ERG: variants seen among roughly 807,000 people sequenced by gnomAD.
ERG encodes the protein ETS transcription factor ERG, also known as transcriptional regulator ERG.
Under a neutral mutation model 55.3 loss-of-function variants are expected in ERG, and 9 were observed. The ratio of observed to expected loss-of-function variants is 0.16; its 90% CI spans 0.10 to 0.28. The LOEUF is 0.28. Among genes scored for constraint, ERG ranks in the 10% least tolerant of loss-of-function variants. The probability of loss-of-function intolerance (pLI) is 1.00; values close to 1 mark genes in which losing one functional copy is unlikely to be tolerated. For synonymous variants in ERG, 223 were observed against 237.3 expected (o/e 0.94, Z 0.55); for missense variants, 434 against 631.6 (o/e 0.69, Z 3.35).
intron 1 of ERG, among the ~76,000 whole-genome samples, chr21:38,485,204 C>A (rs930505056): frequency 8.6e-5 from 13 of 151,296 alleles, no homozygotes; most frequent in Admixed American, 2.6e-4. Flanking sequence ...TAGACCTACG[C>A]TAATGTATGT....
At chr21:38,534,919 T>C (rs892791903) in intron 2 of ERG, among the ~76,000 whole-genome samples, 3 of 152,190 alleles carry the variant, frequency 2.0e-5, no homozygotes, top group Non-Finnish European at 4.4e-5. Flanking sequence ...TTGTACAATA[T>C]AGATGAATCT....
Position 38,498,217 on chromosome 21 carries a change from T to C in ERG, c.18+146A>G. The C allele has an allele frequency of 1.4e-6, 1 of 707,774 alleles. No homozygotes were observed. The highest frequency in any genetic ancestry group is 1.8e-5 in the South Asian group (1 of 55,694). The allele number at this position is 707,774 out of a possible 1,614,324, so 43.8% of individuals were successfully genotyped here. A position where few individuals can be genotyped will look rare whatever the true frequency, so the allele number is the denominator to read the frequency against. On this transcript the variant is annotated intron_variant, in intron 1 of 9. Coordinates refer to ENST00000288319, the MANE Select transcript of ERG (RefSeq NM_182918.4). This position sits in a 1 kb window ranked among gnomAD's most constrained non-coding sequence, Gnocchi z 4.6. ...TTGGAGTAGGAAAAAGGAAATTTAC[T>C]AGGCAGTGCAAAGGAAATCTTGTTG...
chr21:38,485,156 A>G lies in ERG; in HGVS notation c.18+13207T>C, dbSNP rs117679354. ...CCAGTGGCACAGGGACAAGATGTAG[A>G]GATGAAAAACAGTGATATTGATGAT... is the stretch of plus-strand genomic sequence containing the variant. On this transcript the variant is annotated intron_variant, in intron 1 of 9. Coordinates refer to ENST00000288319, the MANE Select transcript of ERG (RefSeq NM_182918.4). Among the ~76,000 whole-genome samples, 25 of 152,260 alleles carry G rather than the reference A, an allele frequency of 1.6e-4. No individual in the cohort carries two copies. The East Asian group carries it at 4.6e-3, about 28-fold the overall frequency.
At chr21:38,445,063 A>T (rs1156277526) in intron 2 of ERG, among the ~76,000 whole-genome samples, 1 of 152,130 alleles carries the variant, frequency 6.6e-6, no homozygotes, top group African/African-American at 2.4e-5. Context: ...CCTCTACACA[A>T]ACCACTGGAG....
At chr21:38,428,096 C>T (rs768040011) in intron 2 of ERG, among the ~76,000 whole-genome samples, 3 of 151,584 alleles carry the variant, frequency 2.0e-5, no homozygotes, top group Non-Finnish European at 4.4e-5. Context: ...GGGAGGATCA[C>T]CTGAGCCTGG....
chr21:38,433,065 A>T (rs1573262), intron 2 of ERG, among the ~76,000 whole-genome samples: 1 of 152,282 alleles, frequency 6.6e-6, no homozygotes, highest in East Asian at 1.9e-4. Context: ...ATGTTTATGT[A>T]GAGATATAAA....
intron 1 of ERG, among the ~76,000 whole-genome samples, chr21:38,596,442 G>A (rs1363074073): frequency 6.6e-6 from 1 of 152,182 alleles, no homozygotes; most frequent in East Asian, 1.9e-4. Flanking sequence ...AAGCAAACAG[G>A]AGGCACTTTC....
At chr21:38,590,077 C>T (rs9789875) in intron 1 of ERG, among the ~76,000 whole-genome samples, 68,927 of 152,022 alleles carry the variant, frequency 0.45, 15,863 homozygotes, top group Middle Eastern at 0.56. Context: ...CTTACAACAC[C>T]GTATCTAAGA....
chr21:38,610,652 G>C (rs1162104163), intron 1 of ERG, among the ~76,000 whole-genome samples: 1 of 152,224 alleles, frequency 6.6e-6, no homozygotes, highest in Non-Finnish European at 1.5e-5. Flanking sequence ...TAAAGACAAT[G>C]AATGTTTGAT....
At chr21:38,605,436 G>C (rs1245961249) in intron 1 of ERG, among the ~76,000 whole-genome samples, 1 of 152,108 alleles carries the variant, frequency 6.6e-6, no homozygotes, top group African/African-American at 2.4e-5. Context: ...TGAAATGCTA[G>C]AGAAAATCTA....
Position 38,498,416 on chromosome 21 carries a change from A to G in ERG, c.-36T>C, listed in dbSNP as rs1296985443. On this transcript the variant is annotated 5_prime_UTR_variant, in exon 1 of 10. Transcript: ENST00000288319. The surrounding 1 kb of genome is among the most constrained non-coding windows in gnomAD (Gnocchi z 4.6). ...AGTTTATTGATCGTTAATAAATGTT[A>G]ATAATAATTATTGCTTCTCTCTGAC... is the stretch of plus-strand genomic sequence containing the variant. 1 of 1,597,704 alleles carries G rather than the reference A, an allele frequency of 6.3e-7. No individual in the cohort carries two copies. Among genetic ancestry groups the G allele is most frequent in the Non-Finnish European group, 8.5e-7 (1 of 1,170,632 alleles).
intron 1 of ERG, among the ~76,000 whole-genome samples, chr21:38,490,601 A>G (rs528336045): frequency 1.3e-5 from 2 of 152,148 alleles, no homozygotes; most frequent in Non-Finnish European, 2.9e-5. Flanking sequence ...CCCGGTTTGA[A>G]GATCCGATAG....
chr21:38,624,772 T>C (rs2060314579), intron 1 of ERG, among the ~76,000 whole-genome samples: 4 of 152,216 alleles, frequency 2.6e-5, no homozygotes, highest in Admixed American at 2.6e-4. Context: ...ATAGATATTT[T>C]AATAAATGTA....
chr21:38,387,041 G>A (rs1987721562), intron 9 of ERG, among the ~76,000 whole-genome samples: 1 of 151,896 alleles, frequency 6.6e-6, no homozygotes, highest in Admixed American at 6.6e-5. Flanking sequence ...AGAGAAACAG[G>A]GTAGCAAAGG....
chr21:38,588,559 A>C (rs11702876), upstream of ERG, among the ~76,000 whole-genome samples: 26,812 of 152,064 alleles, frequency 0.18, 2,521 homozygotes, highest in Middle Eastern at 0.2. Context: ...TGGGGCCCCA[A>C]GTTTATGCTG....
At chr21:38,463,484 G>C (rs1196435974) in intron 1 of ERG, among the ~76,000 whole-genome samples, 1 of 152,228 alleles carries the variant, frequency 6.6e-6, no homozygotes, top group East Asian at 1.9e-4. Flanking sequence ...GAGCCTGTAA[G>C]TGTCCACATA....
chr21:38,402,369 G>T (rs753330635), intron 5 of ERG, among the ~76,000 whole-genome samples, 188 bp downstream of exon 5: 2 of 152,072 alleles, frequency 1.3e-5, no homozygotes, highest in Non-Finnish European at 2.9e-5. Flanking sequence ...CTTGGGAAGC[G>T]CTCAGAAAAC....
chr21:38,559,060 G>A (rs1217987372), intron 2 of ERG, among the ~76,000 whole-genome samples: 1 of 152,128 alleles, frequency 6.6e-6, no homozygotes, highest in Non-Finnish European at 1.5e-5. Context: ...AGGCTGGAGG[G>A]TGTCTGTGAG....
intron 1 of ERG, among the ~76,000 whole-genome samples, chr21:38,658,047 G>C (rs140572926): frequency 6.6e-4 from 101 of 152,304 alleles, no homozygotes; most frequent in Admixed American, 5.2e-3. Flanking sequence ...TCAAGGTGTA[G>C]AACATTAAAC....
Sources: allele counts gnomAD v4.1 joint callset (sites outside exome capture counted in the v4.1 genomes callset), GRCh38; gene constraint gnomAD v4.1.1; non-coding constraint Gnocchi (gnomAD v3.1); transcripts MANE v1.5; gene names NCBI Gene and HGNC (gene_info 2026-07-23, HGNC 2026-07-21).